The following DCTN6 variants were observed in gnomAD, a reference collection of about 807,000 sequenced individuals.
The protein encoded by DCTN6 is dynactin subunit 6.
DCTN6 carries 15 observed loss-of-function variants against 25.8 expected under a neutral mutation model. The observed-to-expected ratio is 0.58, with a 90% CI of 0.39 to 0.89. The LOEUF is 0.89. Ranked by LOEUF, DCTN6 falls within the 40% of genes least tolerant of loss-of-function variation. The probability of loss-of-function intolerance (pLI) is 0.00; values close to 1 mark genes in which losing one functional copy is unlikely to be tolerated. For missense variants in DCTN6, 198 were observed against 237.6 expected (o/e 0.83, Z 1.09); for synonymous variants, 64 against 78.3 (o/e 0.82, Z 0.96).
Position 30,183,270 on chromosome 8 carries a change from T to C in DCTN6, c.*97T>C, listed in dbSNP as rs905131961. On this transcript the variant is annotated 3_prime_UTR_variant, in exon 7 of 7. Transcript: ENST00000221114. The stretch of plus-strand genomic sequence containing the variant: ...GTACTCTTAACAACTCACAGAATAA[T>C]ACATGTTCACTTTATTTTGTAAAAT... 1.0e-5 allele frequency: 9 copies of C among 897,046 alleles called. No individual in the cohort carries two copies. The highest frequency in any genetic ancestry group is 1.5e-5 in the Non-Finnish European group (9 of 595,978). 55.6% of individuals were successfully genotyped at this position (897,046 alleles called of 1,614,324 possible). A position where few individuals can be genotyped will look rare whatever the true frequency, so the allele number is the denominator to read the frequency against.
At chr8:30,179,313 C>G in intron 4 of DCTN6, 95 bp from the exon 5 acceptor site, 3 of 1,013,576 alleles carry the variant, frequency 3.0e-6, no homozygotes, top group Non-Finnish European at 4.4e-6. Context: ...ATCTGACACC[C>G]CTGTCCTCTG....
At chr8:30,171,260 T>C (rs972362165) in intron 2 of DCTN6, among the ~76,000 whole-genome samples, 39 of 150,938 alleles carry the variant, frequency 2.6e-4, no homozygotes, top group East Asian at 8.0e-4. Flanking sequence ...CTTTTTTTTT[T>C]CCCCTCAGAG....
intron 2 of DCTN6, among the ~76,000 whole-genome samples, chr8:30,172,276 G>T (rs937245237): frequency 6.6e-6 from 1 of 151,970 alleles, no homozygotes; most frequent in East Asian, 1.9e-4. Flanking sequence ...CCATTAAAAA[G>T]AATATCTATC....
At chr8:30,166,625 C>G (rs1585500762) in intron 2 of DCTN6, among the ~76,000 whole-genome samples, 1 of 152,038 alleles carries the variant, frequency 6.6e-6, no homozygotes, top group Non-Finnish European at 1.5e-5. Flanking sequence ...AAGGCATTAT[C>G]CTGTGCAAGG....
Position 30,163,370 on chromosome 8 carries a change from C to T in DCTN6, c.24-741C>T, listed in dbSNP as rs1412096225. On this transcript the variant is annotated intron_variant, in intron 1 of 6. Transcript: ENST00000221114. The stretch of plus-strand genomic sequence containing the variant: ...TTCCTGGGCTTAAGCAGTTCTCCTT[C>T]CTTGGCCTCCCAGAGTGCTGGGATT... Among the ~76,000 whole-genome samples, 5 of 152,182 alleles carry T rather than the reference C, an allele frequency of 3.3e-5. 1 individual carries two copies. Among genetic ancestry groups the T allele is most frequent in the Admixed American group, 1.3e-4 (2 of 15,282 alleles).
intron 1 of DCTN6, among the ~76,000 whole-genome samples, chr8:30,160,014 A>G (rs1440124169): frequency 6.6e-6 from 1 of 152,120 alleles, no homozygotes; most frequent in Non-Finnish European, 1.5e-5. Context: ...AAGCAGAGTC[A>G]CAGCAGCTGA....
In DCTN6 at chr8:30,179,440, G is replaced by A; in HGVS notation, c.316G>A (p.Val106Ile). ...AGCCATGAAGATGGGAGATAATAATGTCATTGAATCAAAAGGTAAGCTACA... is the reference window on the plus strand; with the variant it reads ...AGCCATGAAGATGGGAGATAATAATATCATTGAATCAAAAGGTAAGCTACA... The part of the protein sequence containing the change: ...SQAMKMGDNN[V>I]IESKAYVGRN... Residue 106 changes from valine to isoleucine, a missense_variant, in exon 5 of 7, where the codon GTC (valine) becomes ATC (isoleucine). Physicochemically the swap from Val to Ile is conservative, Grantham distance 29. Transcript: ENST00000221114. 1 of 1,612,452 alleles carries A rather than the reference G, an allele frequency of 6.2e-7. No homozygotes were observed. Among genetic ancestry groups the A allele is most frequent in the Middle Eastern group, 1.7e-4 (1 of 6,034 alleles).
chr8:30,158,783 T>C (rs902746789), intron 1 of DCTN6, among the ~76,000 whole-genome samples: 32 of 140,966 alleles, frequency 2.3e-4, no homozygotes, highest in African/African-American at 6.7e-4. Context: ...GGTTCCTTTT[T>C]TTTTTTTTTT....
chr8:30,156,503 C>T (rs1008222586), intron 1 of DCTN6, 97 bp downstream of exon 1: 32 of 1,432,940 alleles, frequency 2.2e-5, no homozygotes, highest in East Asian at 1.7e-4. Context: ...GGTGTCTCAT[C>T]CTGGGCATTC....
chr8:30,167,580 T>C (rs66737526), intron 2 of DCTN6, among the ~76,000 whole-genome samples: 24,248 of 152,114 alleles, frequency 0.16, 2,618 homozygotes, highest in East Asian at 0.49. Flanking sequence ...CTTGGCCTAC[T>C]AAAGTGCTGG....
chr8:30,162,854 T>TA (rs1204365335), intron 1 of DCTN6, among the ~76,000 whole-genome samples: 1 of 152,224 alleles, frequency 6.6e-6, no homozygotes, highest in Non-Finnish European at 1.5e-5. Context: ...AAGTTAGTAT[T>TA]ACCTTGCTGG....
rs1237863035 is a variant in DCTN6 at position 30,183,243 on chromosome 8, A to G, written c.*70A>G. 2 of 1,261,044 alleles carry G rather than the reference A, an allele frequency of 1.6e-6. No homozygotes were observed. The highest frequency in any genetic ancestry group is 1.8e-5 in the Admixed American group (1 of 54,732). 78.1% of individuals were successfully genotyped at this position (1,261,044 alleles called of 1,614,324 possible). A position where few individuals can be genotyped will look rare whatever the true frequency, so the allele number is the denominator to read the frequency against. On this transcript the variant is annotated 3_prime_UTR_variant, in exon 7 of 7. Transcript: ENST00000221114. ...TCTTTTGAATGGGCCCACAGTGTTT[A>G]TGTACTCTTAACAACTCACAGAATA...
intron 6 of DCTN6, among the ~76,000 whole-genome samples, chr8:30,181,869 GA>G (rs61484281): frequency 0.014 from 1,797 of 126,666 alleles, 36 homozygotes; most frequent in East Asian, 0.06. Flanking sequence ...GCCTGGGAAA[GA>G]AAAAAAAAAA....
intron 2 of DCTN6, among the ~76,000 whole-genome samples, chr8:30,170,550 A>G (rs1454638793): frequency 2.6e-5 from 4 of 152,212 alleles, no homozygotes; most frequent in Non-Finnish European, 4.4e-5. Flanking sequence ...TAAAGACAGT[A>G]ATAACAATAA....
intron 3 of DCTN6, among the ~76,000 whole-genome samples, chr8:30,175,994 A>G (rs965748471): frequency 1.3e-5 from 2 of 152,258 alleles, no homozygotes; most frequent in Non-Finnish European, 2.9e-5. Flanking sequence ...ATAAAGCACC[A>G]TTTAAAAATG....
chr8:30,173,962 T>C (rs2117591928), intron 2 of DCTN6, among the ~76,000 whole-genome samples: 1 of 152,280 alleles, frequency 6.6e-6, no homozygotes, highest in African/African-American at 2.4e-5. Context: ...GGTTTCATTA[T>C]CACCAGAACC....
intron 2 of DCTN6, among the ~76,000 whole-genome samples, chr8:30,166,297 C>T (rs371551016): frequency 2.0e-5 from 3 of 150,808 alleles, no homozygotes; most frequent in East Asian, 1.9e-4. Context: ...ACAACAACCC[C>T]GTTTTGGTTT....
chr8:30,160,533 A>G (rs1355109231), intron 1 of DCTN6, among the ~76,000 whole-genome samples: 1 of 152,118 alleles, frequency 6.6e-6, no homozygotes, highest in Admixed American at 6.5e-5. Flanking sequence ...AGTCAAACTT[A>G]CTTCCCCTGC....
rs989608061 is a variant in DCTN6 at position 30,168,512 on chromosome 8, T to G, written c.88+4337T>G. On this transcript the variant is annotated intron_variant, in intron 2 of 6. Coordinates refer to ENST00000221114, the MANE Select transcript of DCTN6 (RefSeq NM_006571.4). ...TATTGTTGTTTTTACTTAGTTTATC[T>G]GAGTTAAGTAGCAATAAACTGTTGT... Among the ~76,000 whole-genome samples the G allele has an allele frequency of 5.9e-5, 9 of 152,360 alleles. No homozygotes were observed. In the South Asian group the frequency reaches 1.7e-3, roughly 28 times the overall value.
Sources: allele counts gnomAD v4.1 joint callset (sites outside exome capture counted in the v4.1 genomes callset), GRCh38; gene constraint gnomAD v4.1.1; transcripts MANE v1.5; gene names NCBI Gene and HGNC (gene_info 2026-07-23, HGNC 2026-07-21).